The following CEP63 variants were observed in gnomAD, a reference collection of about 807,000 sequenced individuals.
CEP63 encodes centrosomal protein of 63 kDa.
Under a neutral mutation model 89.1 loss-of-function variants are expected in CEP63, and 84 were observed. That is an observed-to-expected ratio of 0.94 (90% CI 0.79 to 1.13). The LOEUF is 1.13. CEP63 is among the 50% of genes most tolerant of loss of function. CEP63 has a pLI of 0.00. For missense variants in CEP63, 838 were observed against 813.3 expected, an observed-to-expected ratio of 1.03 and a Z score of -0.37; for synonymous variants, 267 against 272.5, an observed-to-expected ratio of 0.98 and a Z score of 0.20.
chr3:134,760,835 G>A, the CEP63 span, among the ~76,000 whole-genome samples: 1 of 152,214 alleles, frequency 6.6e-6, no homozygotes, highest in Non-Finnish European at 1.5e-5. Context: ...CTGCTGTCCT[G>A]GGGCACCTCC....
At position 134,587,530 on chromosome 3, in the gene CEP63, C is replaced by T. The variant is rs1958510410; in HGVS notation, c.1279C>T (p.Gln427Ter). The change falls in exon 11 of 11, where the codon CAG becomes TAG. Residue 427 changes from glutamine (Q) to a stop codon, truncating the protein, a stop_gained. Transcript: ENST00000683931. LOFTEE classifies it high-confidence loss of function. Reference sequence around the variant, plus strand: ...GCCTGGGTATCACCAGCGGAGGCTGCAGAACAGCAAATATTGCTGCCTGAT... The same window carrying T: ...GCCTGGGTATCACCAGCGGAGGCTGTAGAACAGCAAATATTGCTGCCTGAT... Among the ~76,000 whole-genome samples, 1 of 152,186 alleles carries T rather than the reference C, an allele frequency of 6.6e-6. No individual in the cohort carries two copies. Among genetic ancestry groups the T allele is most frequent in the Admixed American group, 6.5e-5 (1 of 15,276 alleles).
chr3:134,568,713 T>C (rs1957889602), downstream of CEP63, among the ~76,000 whole-genome samples: 2 of 152,314 alleles, frequency 1.3e-5, no homozygotes, highest in Middle Eastern at 3.4e-3. Context: ...GGTTTAACAT[T>C]AACCCATTGT....
the CEP63 span, among the ~76,000 whole-genome samples, chr3:134,771,719 G>A: frequency 7.9e-5 from 12 of 152,226 alleles, no homozygotes; most frequent in African/African-American, 2.4e-4. Flanking sequence ...AAACCACCAC[G>A]GCACGTGTAT....
At chr3:134,599,197 G>T in the CEP63 span, among the ~76,000 whole-genome samples, 3 of 152,362 alleles carry the variant, frequency 2.0e-5, no homozygotes, top group Admixed American at 2.0e-4. Context: ...CAGCTTTGGG[G>T]ATGGCATTTT....
At chr3:134,602,532 C>G in the CEP63 span, among the ~76,000 whole-genome samples, 2 of 152,200 alleles carry the variant, frequency 1.3e-5, no homozygotes, top group Admixed American at 1.3e-4. Flanking sequence ...GGTAGAGACA[C>G]TGGGGGCAGG....
At chr3:134,681,393 C>T in the CEP63 span, among the ~76,000 whole-genome samples, 1 of 152,136 alleles carries the variant, frequency 6.6e-6, no homozygotes, top group Non-Finnish European at 1.5e-5. Context: ...GAATCATAAT[C>T]TCAGGGTACA....
rs760129404 is a variant in CEP63 at position 134,561,360 on chromosome 3, A to T, written c.1954-17A>T. 1.2e-6 allele frequency: 2 copies of T among 1,609,472 alleles called. No homozygotes were observed. Among genetic ancestry groups the T allele is most frequent in the Admixed American group, 1.7e-5 (1 of 60,020 alleles). On this transcript the variant is annotated splice_polypyrimidine_tract_variant and intron_variant, in intron 14 of 14. Coordinates refer to ENST00000675561, the MANE Select transcript of CEP63 (RefSeq NM_001353108.3). ...ATTCTACTTATTTACACATGTCAAAATTTGTGTCTCTTCCAGTGTTCCTTG... is the reference window on the plus strand; with the variant it reads ...ATTCTACTTATTTACACATGTCAAATTTTGTGTCTCTTCCAGTGTTCCTTG...
At chr3:134,584,916 T>TGTGTCCAG (rs1185586185) in intron 10 of CEP63, among the ~76,000 whole-genome samples, 6 of 149,596 alleles carry the variant, frequency 4.0e-5, no homozygotes, top group Non-Finnish European at 8.9e-5. Flanking sequence ...GGAGGGTGTA[T>TGTGTCCAG]GTGTCCAGGA....
At position 134,561,768 on chromosome 3, in the gene CEP63, C is replaced by T; in HGVS notation, c.*233C>T. ...TGAAAGAATAAACCACTTTGCTAGA[C>T]TTTTTTCTCATACGAATATTTATTA... On this transcript the variant is annotated 3_prime_UTR_variant, in exon 15 of 15. Transcript: ENST00000675561. The T allele has an allele frequency of 7.5e-7, 1 of 1,335,222 alleles. No homozygotes were observed. Among genetic ancestry groups the T allele is most frequent in the Non-Finnish European group, 9.6e-7 (1 of 1,042,386 alleles). 82.7% of individuals were successfully genotyped at this position (1,335,222 alleles called of 1,614,324 possible).
At chr3:134,503,388 T>G (rs1942578968) in intron 2 of CEP63, among the ~76,000 whole-genome samples, 1 of 152,138 alleles carries the variant, frequency 6.6e-6, no homozygotes, top group Non-Finnish European at 1.5e-5. Flanking sequence ...CTTGATATGA[T>G]TTTGATTTTA....
the CEP63 span, among the ~76,000 whole-genome samples, chr3:134,653,100 G>A: frequency 6.6e-6 from 1 of 152,186 alleles, no homozygotes; most frequent in Non-Finnish European, 1.5e-5. Flanking sequence ...TGGTGTGGAG[G>A]CCTCCTGTCT....
chr3:134,661,369 C>T, the CEP63 span, among the ~76,000 whole-genome samples: 1 of 152,222 alleles, frequency 6.6e-6, no homozygotes, highest in African/African-American at 2.4e-5. Flanking sequence ...TTCACCCATT[C>T]TTTATTCATT....
At chr3:134,505,999 T>G (rs1210190560) in intron 2 of CEP63, among the ~76,000 whole-genome samples, 1 of 152,194 alleles carries the variant, frequency 6.6e-6, no homozygotes, top group East Asian at 1.9e-4. Flanking sequence ...TTTGGGTTGT[T>G]TGCCTCATCA....
chr3:134,540,200 A>G (rs1951705286), intron 6 of CEP63, among the ~76,000 whole-genome samples: 1 of 152,202 alleles, frequency 6.6e-6, no homozygotes, highest in Non-Finnish European at 1.5e-5. Context: ...GACAGGTACT[A>G]TGCTAAGCAC....
chr3:134,506,978 A>T (rs1576860945), intron 2 of CEP63, 131 bp from the exon 3 acceptor site: 1 of 488,148 alleles, frequency 2.0e-6, no homozygotes, highest in South Asian at 2.4e-5. Flanking sequence ...CTGGTAATTT[A>T]TTAATTTACA....
chr3:134,608,277 A>G, the CEP63 span: 109 of 1,206,286 alleles, frequency 9.0e-5, no homozygotes, highest in African/African-American at 1.5e-3. Flanking sequence ...TTTCCCTGCT[A>G]TGTGAACTGA....
chr3:134,576,980 G>A (rs565986189), downstream of CEP63, among the ~76,000 whole-genome samples: 4 of 152,156 alleles, frequency 2.6e-5, no homozygotes, highest in South Asian at 2.1e-4. Context: ...ACAACACTGC[G>A]CAGGCCAAAC....
the CEP63 span, among the ~76,000 whole-genome samples, chr3:134,634,727 T>C: frequency 6.6e-6 from 1 of 152,170 alleles, no homozygotes; most frequent in African/African-American, 2.4e-5. Flanking sequence ...TGGAGAGTAC[T>C]GTTCATGGAA....
chr3:134,722,526 AT>A, the CEP63 span, among the ~76,000 whole-genome samples: 2 of 151,606 alleles, frequency 1.3e-5, no homozygotes, highest in Non-Finnish European at 2.9e-5. Flanking sequence ...TGATTTTCAT[AT>A]TGTTTTTCTA....
Sources: allele counts gnomAD v4.1 joint callset (sites outside exome capture counted in the v4.1 genomes callset), GRCh38; gene constraint gnomAD v4.1.1; transcripts MANE v1.5; gene names NCBI Gene and HGNC (gene_info 2026-07-23, HGNC 2026-07-21).